Variants in AP2B1 observed in about 807,000 individuals in gnomAD.
AP2B1 encodes AP-2 complex subunit beta.
A neutral mutation model predicts 102.0 loss-of-function variants in AP2B1; 23 were observed. That is an observed-to-expected ratio of 0.23 (90% CI 0.16 to 0.32). The LOEUF is 0.32. Among genes scored for constraint, AP2B1 ranks in the 10% least tolerant of loss-of-function variants. The pLI is 1.00. For missense variants in AP2B1, 541 were observed against 1,157.4 expected (o/e 0.47, Z 7.73); for synonymous variants, 381 against 421.2 (o/e 0.90, Z 1.17).
chr17:35,654,355 T>C (rs1302133705), intron 13 of AP2B1, among the ~76,000 whole-genome samples: 3 of 151,972 alleles, frequency 2.0e-5, no homozygotes, highest in Non-Finnish European at 4.4e-5. Flanking sequence ...TGAGCCTCTG[T>C]GCCCGCCTGT....
chr17:35,719,098 CA>C (rs2085276430), intron 21 of AP2B1, among the ~76,000 whole-genome samples: 1 of 152,084 alleles, frequency 6.6e-6, no homozygotes, highest in South Asian at 2.1e-4. Flanking sequence ...TTAAATGGAA[CA>C]GTAGAGTTTC....
intron 18 of AP2B1, among the ~76,000 whole-genome samples, chr17:35,683,753 GT>G (rs1375299984): frequency 6.6e-6 from 1 of 152,190 alleles, no homozygotes; most frequent in African/African-American, 2.4e-5. Context: ...AGCGGTTATG[GT>G]TTTAATGTTC....
chr17:35,620,088 G>T (rs934037901), intron 5 of AP2B1, among the ~76,000 whole-genome samples: 1 of 152,094 alleles, frequency 6.6e-6, no homozygotes, highest in Non-Finnish European at 1.5e-5. Context: ...GCTCGGCCAA[G>T]GATTTATTTT....
intron 15 of AP2B1, among the ~76,000 whole-genome samples, chr17:35,671,235 C>G (rs548308797): frequency 4.0e-4 from 61 of 152,252 alleles, no homozygotes; most frequent in African/African-American, 1.3e-3. Context: ...AGAGGGTCAG[C>G]TGGACTCAGA....
At position 35,671,823 on chromosome 17, in the gene AP2B1, A is replaced by G. The variant is rs770296519; in HGVS notation, c.2101A>G (p.Ser701Gly). 1.9e-6 allele frequency: 3 copies of G among 1,613,926 alleles called. No homozygotes were observed. Among genetic ancestry groups the G allele is most frequent in the Non-Finnish European group, 2.5e-6 (3 of 1,179,962 alleles). The change falls in exon 16 of 22, where the codon AGC (serine) becomes GGC (glycine). Residue 701 changes from serine (S) to glycine (G), a missense_variant. Ser to Gly is a moderately conservative substitution (Grantham distance 56). This residue lies in a region of AP2B1 where 62 missense variants were observed against 87.6 expected (regional missense o/e 0.71). Transcript: ENST00000610402. ...FAPSPTPAVV[S>G]SGLNDLFELS... is the part of the protein sequence containing the mutation. ...TCCTTCACCTACACCTGCTGTGGTC[A>G]GCAGTGGACTGAATGACCTGTTTGA...
chr17:35,700,568 G>A (rs746637184), intron 18 of AP2B1, among the ~76,000 whole-genome samples: 1 of 152,120 alleles, frequency 6.6e-6, no homozygotes, highest in African/African-American at 2.4e-5. Flanking sequence ...TGCCTCCTTT[G>A]GTTACCTGTG....
chr17:35,634,378 G>A (rs1478988857), intron 9 of AP2B1, among the ~76,000 whole-genome samples: 1 of 152,054 alleles, frequency 6.6e-6, no homozygotes, highest in Non-Finnish European at 1.5e-5. Context: ...AATACCTATT[G>A]GGTGATTCTC....
intron 18 of AP2B1, among the ~76,000 whole-genome samples, chr17:35,686,362 A>T (rs1423351396): frequency 6.6e-6 from 1 of 152,014 alleles, no homozygotes; most frequent in Non-Finnish European, 1.5e-5. Flanking sequence ...GTTTTCTCTG[A>T]CTCTTGATGT....
At chr17:35,593,462 T>G (rs2073166855) in intron 1 of AP2B1, among the ~76,000 whole-genome samples, 2 of 147,840 alleles carry the variant, frequency 1.4e-5, no homozygotes, top group Admixed American at 1.4e-4. Flanking sequence ...AAAAATTCCA[T>G]GCATAAGTCA....
chr17:35,639,746 G>A lies in AP2B1; in HGVS notation c.1423G>A (p.Asp475Asn), dbSNP rs1940700776. 6.2e-7 allele frequency: 1 copy of A among 1,613,652 alleles called. No individual in the cohort carries two copies. The highest frequency in any genetic ancestry group is 8.5e-7 in the Non-Finnish European group (1 of 1,179,844). ...LLESFLEGFH[D>N]ESTQVQLTLL... ...AGAAAGCTTCCTGGAGGGTTTTCAC[G>A]ATGAAAGCACCCAGGTAAGTTCTTG... Residue 475 changes from aspartate (D) to asparagine (N), a missense_variant, in exon 11 of 22, where the codon GAT (aspartate) becomes AAT (asparagine). This residue lies in a region of AP2B1 where 106 missense variants were observed against 296.4 expected (regional missense o/e 0.36). Coordinates refer to ENST00000610402, the MANE Select transcript of AP2B1 (RefSeq NM_001030006.2).
chr17:35,671,487 A>G (rs978835797), intron 15 of AP2B1, among the ~76,000 whole-genome samples: 3 of 152,218 alleles, frequency 2.0e-5, no homozygotes, highest in Non-Finnish European at 4.4e-5. Flanking sequence ...TTGGAAACAA[A>G]TACAAAATCT....
At chr17:35,594,164 T>G in intron 2 of AP2B1, 97 bp downstream of exon 2, 1 of 699,510 alleles carries the variant, frequency 1.4e-6, no homozygotes, top group Non-Finnish European at 2.4e-6. Context: ...CCTTCAGACA[T>G]ACATGTAGCT....
chr17:35,695,207 C>T (rs1429325033), intron 18 of AP2B1, among the ~76,000 whole-genome samples: 1 of 152,050 alleles, frequency 6.6e-6, no homozygotes, highest in African/African-American at 2.4e-5. Flanking sequence ...GATTAGGGGC[C>T]AGTAAGATTT....
At chr17:35,621,737 G>A (rs1023093754) in intron 5 of AP2B1, among the ~76,000 whole-genome samples, 1 of 152,082 alleles carries the variant, frequency 6.6e-6, no homozygotes, top group Admixed American at 6.5e-5. Context: ...TAATAACAGA[G>A]GATTTCTAAT....
At position 35,594,087 on chromosome 17, in the gene AP2B1, C is replaced by G; in HGVS notation, c.37+20C>G. The G allele has an allele frequency of 3.2e-6, 5 of 1,558,228 alleles. No individual in the cohort carries two copies. The highest frequency in any genetic ancestry group is 4.4e-6 in the Non-Finnish European group (5 of 1,143,780). Reference sequence around the variant, plus strand: ...AAAAAGGTAAGTATGAGAATACAATCAAATCTTTTGAAATTTTCAAAAGTT... The same window carrying G: ...AAAAAGGTAAGTATGAGAATACAATGAAATCTTTTGAAATTTTCAAAAGTT... On this transcript the variant is annotated intron_variant, in intron 2 of 21. Transcript: ENST00000610402.
chr17:35,645,890 T>C (rs2080211866), intron 12 of AP2B1, among the ~76,000 whole-genome samples: 1 of 152,146 alleles, frequency 6.6e-6, no homozygotes, highest in Non-Finnish European at 1.5e-5. Flanking sequence ...GTCTAGACGT[T>C]AGTAATTATT....
At chr17:35,662,543 T>G (rs1401409500) in intron 14 of AP2B1, among the ~76,000 whole-genome samples, 1 of 150,270 alleles carries the variant, frequency 6.7e-6, no homozygotes, top group Non-Finnish European at 1.5e-5. Flanking sequence ...TTTTTTTTTT[T>G]TTTTTTTTAT....
intron 17 of AP2B1, among the ~76,000 whole-genome samples, chr17:35,680,722 A>T: frequency 1.6e-5 from 2 of 126,296 alleles, no homozygotes; most frequent in Non-Finnish European, 1.7e-5. Context: ...TTTTTCAGAC[A>T]GTCTTGCTCT....
In AP2B1 at chr17:35,662,536, T is replaced by G. The variant is rs1369989639; in HGVS notation, c.1989+4745T>G. ...GAGTTTTTTGGGTTTGGGTTTGTTT[T>G]TTTTTTTTTTTTTTTATGACTCTGG... On this transcript the variant is annotated intron_variant, in intron 14 of 21. Transcript: ENST00000610402. 6.1e-4 allele frequency among the ~76,000 whole-genome samples: 91 copies of G among 149,342 alleles called. No individual in the cohort carries two copies. The South Asian group carries it at 7.2e-3, about 12-fold the overall frequency.
Sources: gnomAD v4.1 joint callset for allele counts (sites outside exome capture counted in the v4.1 genomes callset) on GRCh38, gnomAD v4.1.1 for gene constraint, gnomAD v4.1.1 regional missense constraint, MANE v1.5 for transcripts, NCBI Gene and HGNC (gene_info 2026-07-23, HGNC 2026-07-21) for gene names.